The following SASH1 variants were observed in gnomAD, a reference collection of about 807,000 sequenced individuals.
SASH1 encodes the protein SAM and SH3 domain-containing protein 1.
A neutral mutation model predicts 125.2 loss-of-function variants in SASH1; 44 were observed. The ratio of observed to expected loss-of-function variants is 0.35; its 90% confidence interval spans 0.28 to 0.45. The LOEUF (loss-of-function observed/expected upper bound fraction) is 0.45. Among genes scored for constraint, SASH1 ranks in the 20% least tolerant of loss-of-function variants. SASH1 has a pLI of 1.00. For missense variants in SASH1, 1,426 were observed against 1,614.5 expected (o/e 0.88, Z 2.00); for synonymous variants, 639 against 649.1 (o/e 0.98, Z 0.24).
At chr6:148,232,321 A>G in the SASH1 span, among the ~76,000 whole-genome samples, 3 of 152,172 alleles carry the variant, frequency 2.0e-5, no homozygotes, top group African/African-American at 2.4e-5. Flanking sequence ...GTTTTGGTGG[A>G]TGTGAAAAAC....
At chr6:148,447,433 C>CA (rs1776847746) in intron 4 of SASH1, among the ~76,000 whole-genome samples, 1 of 152,196 alleles carries the variant, frequency 6.6e-6, no homozygotes, top group Admixed American at 6.5e-5. Context: ...GCTGATTACT[C>CA]TTTTGATAAT....
chr6:148,364,379 C>T (rs1782367533), intron 1 of SASH1, among the ~76,000 whole-genome samples: 1 of 152,160 alleles, frequency 6.6e-6, no homozygotes, highest in Non-Finnish European at 1.5e-5. Context: ...ACACACTCAC[C>T]ATTAGCTGTG....
chr6:148,206,739 A>G, the SASH1 span, among the ~76,000 whole-genome samples: 1 of 150,796 alleles, frequency 6.6e-6, no homozygotes, highest in Non-Finnish European at 1.5e-5. Flanking sequence ...GCAGTGAGCC[A>G]AGACCGTGCC....
chr6:148,489,328 C>T (rs957071963), intron 8 of SASH1, among the ~76,000 whole-genome samples: 32 of 152,250 alleles, frequency 2.1e-4, no homozygotes, highest in African/African-American at 6.7e-4. Flanking sequence ...ATTGGACTAT[C>T]TCTGTCATTT....
the SASH1 span, among the ~76,000 whole-genome samples, chr6:148,214,186 G>A: frequency 6.6e-6 from 1 of 152,200 alleles, no homozygotes; most frequent in East Asian, 1.9e-4. Flanking sequence ...CCTGACACTG[G>A]ACTGAGGTCT....
At chr6:148,479,438 G>T in intron 7 of SASH1, 1 of 205,164 alleles carries the variant, frequency 4.9e-6, no homozygotes, top group Non-Finnish European at 1.0e-5. Flanking sequence ...GGAGTTGAAT[G>T]TGACATGCCT....
chr6:148,399,557 G>T (rs1784094374), intron 2 of SASH1, among the ~76,000 whole-genome samples: 1 of 151,964 alleles, frequency 6.6e-6, no homozygotes. Flanking sequence ...GTTTTTGTTT[G>T]CTTGCTTTAA....
intron 4 of SASH1, among the ~76,000 whole-genome samples, chr6:148,449,856 A>G (rs1777013035): frequency 6.6e-6 from 1 of 152,174 alleles, no homozygotes; most frequent in Non-Finnish European, 1.5e-5. Context: ...GGACCAAACA[A>G]GAGAGTAACC....
intron 7 of SASH1, among the ~76,000 whole-genome samples, chr6:148,484,256 A>C (rs1337318927): frequency 6.6e-6 from 1 of 152,186 alleles, no homozygotes; most frequent in Non-Finnish European, 1.5e-5. Context: ...CATCATTCTA[A>C]AAAAATCATG....
At chr6:148,427,334 A>G (rs955698285) in intron 2 of SASH1, among the ~76,000 whole-genome samples, 1 of 152,184 alleles carries the variant, frequency 6.6e-6, no homozygotes, top group Non-Finnish European at 1.5e-5. Context: ...AAATTGAATT[A>G]TAGAACTTGT....
chr6:148,349,564 G>A (rs1039509587), intron 1 of SASH1, among the ~76,000 whole-genome samples: 8 of 151,972 alleles, frequency 5.3e-5, no homozygotes, highest in African/African-American at 1.7e-4. Flanking sequence ...ACGCCCGCCC[G>A]GCCAGAAAAG....
the SASH1 span, among the ~76,000 whole-genome samples, chr6:148,200,075 G>A: frequency 2.6e-5 from 4 of 152,194 alleles, no homozygotes; most frequent in Non-Finnish European, 2.9e-5. Context: ...ATGCCAAGAC[G>A]GAACATACTT....
chr6:148,331,015 G>A (rs150610847), intron 1 of SASH1, among the ~76,000 whole-genome samples: 2,605 of 151,868 alleles, frequency 0.017, 38 homozygotes, highest in Non-Finnish European at 0.023. Context: ...ATAATCTTAC[G>A]GTTCTCTGTA....
chr6:148,493,717 G>A (rs2115237924), intron 8 of SASH1, among the ~76,000 whole-genome samples: 1 of 151,816 alleles, frequency 6.6e-6, no homozygotes, highest in African/African-American at 2.4e-5. Flanking sequence ...TTCCAAGAGT[G>A]TAAAGTACTA....
At chr6:148,403,501 G>T (rs930471716) in intron 2 of SASH1, among the ~76,000 whole-genome samples, 1 of 152,074 alleles carries the variant, frequency 6.6e-6, no homozygotes, top group Non-Finnish European at 1.5e-5. Flanking sequence ...TAATACCCAG[G>T]TCTCAAAGAT....
At chr6:148,204,683 ACTG>A in the SASH1 span, among the ~76,000 whole-genome samples, 1 of 151,994 alleles carries the variant, frequency 6.6e-6, no homozygotes, top group East Asian at 1.9e-4. Flanking sequence ...CGAGAGTGAA[ACTG>A]CTTCTCAAAA....
intron 1 of SASH1, chr6:148,379,828 A>T (rs1783060574): frequency 2.7e-5 from 12 of 438,086 alleles, no homozygotes; most frequent in Non-Finnish European, 5.1e-5. Context: ...TTTCAGATGT[A>T]TACCAAGTGG....
At chr6:148,474,266 T>G in intron 7 of SASH1, 44 bp downstream of exon 7, 1 of 1,244,920 alleles carries the variant, frequency 8.0e-7, no homozygotes, top group Non-Finnish European at 1.2e-6. Flanking sequence ...GGACTTGACT[T>G]TCTGAAGTGT....
At chr6:148,260,436 G>A in the SASH1 span, among the ~76,000 whole-genome samples, 19 of 151,826 alleles carry the variant, frequency 1.3e-4, no homozygotes, top group Non-Finnish European at 2.1e-4. Flanking sequence ...GCAAGAATGC[G>A]TCTCTACAAA....
Sources: allele counts gnomAD v4.1 joint callset (sites outside exome capture counted in the v4.1 genomes callset), GRCh38; gene constraint gnomAD v4.1.1; transcripts MANE v1.5; gene names NCBI Gene and HGNC (gene_info 2026-07-23, HGNC 2026-07-21).